Variants in APC observed in about 807,000 individuals in gnomAD.
The protein encoded by APC is adenomatous polyposis coli protein.
APC carries 72 observed loss-of-function variants against 247.0 expected under a neutral mutation model. That is an observed-to-expected ratio of 0.29 (90% CI 0.24 to 0.35). The LOEUF is 0.35. Ranked by LOEUF, APC falls within the 10% of genes least tolerant of loss-of-function variation. The pLI, the probability that APC is intolerant of heterozygous loss-of-function variation, is 1.00. For missense variants in APC, 3,400 were observed against 3,360.7 expected (o/e 1.01, Z -0.29); for synonymous variants, 1,254 against 1,162.5 (o/e 1.08, Z -1.60).
intron 5 of APC, among the ~76,000 whole-genome samples, chr5:112,778,749 T>C (rs1757991743): frequency 2.0e-5 from 3 of 152,168 alleles, no homozygotes; most frequent in East Asian, 1.9e-4. Flanking sequence ...TTTGATGTGT[T>C]AGCCAGGATG....
In APC at chr5:112,707,584, T is replaced by TC. The variant is rs1554060212; in HGVS notation, c.-133dup. ...TGGCCGCCGGAAGCCTAGCCGCTGCTCGGGGGGGACCTGCGGGCTCAGGCC... is the reference window on the plus strand; with the variant it reads ...TGGCCGCCGGAAGCCTAGCCGCTGCTCCGGGGGGGACCTGCGGGCTCAGGCC... On this transcript the variant is annotated 5_prime_UTR_variant, in exon 1 of 14. Transcript: ENST00000507379. The TC allele has an allele frequency of 1.0e-6, 1 of 967,364 alleles. No individual in the cohort carries two copies. Among genetic ancestry groups the TC allele is most frequent in the Non-Finnish European group, 1.4e-6 (1 of 692,958 alleles). 59.9% of individuals were successfully genotyped at this position (967,364 alleles called of 1,614,324 possible).
Position 112,827,929 on chromosome 5 carries a change from G to A in APC, c.1549G>A (p.Ala517Thr), listed in dbSNP as rs1763868182. The change falls in exon 13 of 16, where the codon GCT (alanine) becomes ACT (threonine). Residue 517 changes from alanine (A) to threonine (T), a missense_variant and splice_region_variant. Ala to Thr is a moderately conservative substitution (Grantham distance 58, BLOSUM62 0). Coordinates refer to ENST00000257430, the MANE Select transcript of APC (RefSeq NM_000038.6). ...CCTCTATTCTGTATTTAATTTACAG[G>A]CTACGCTATGCTCTATGAAAGGCTG... ...NLTFGDVANKATLCSMKGCMR... is the reference protein window; with the variant it reads ...NLTFGDVANKTTLCSMKGCMR... 1 of 1,612,760 alleles carries A rather than the reference G, an allele frequency of 6.2e-7. No homozygotes were observed. Among genetic ancestry groups the A allele is most frequent in the Non-Finnish European group, 8.5e-7 (1 of 1,179,352 alleles).
rs1026447903 is a variant in APC at position 112,775,884 on chromosome 5, A to G, written c.531+147A>G. Reference sequence around the variant, plus strand: ...TTTACCCAACTTTAGGCCTGAATATATAATAGTTAATGAATTTTTGTTGGT... The same window carrying G: ...TTTACCCAACTTTAGGCCTGAATATGTAATAGTTAATGAATTTTTGTTGGT... On this transcript the variant is annotated intron_variant, in intron 5 of 15. Transcript: ENST00000257430. 1.4e-5 allele frequency: 7 copies of G among 489,304 alleles called. No homozygotes were observed. The South Asian group carries it at 2.7e-4, about 19-fold the overall frequency. The allele number at this position is 489,304 out of a possible 1,614,324, so 30.3% of individuals were successfully genotyped here.
intron 1 of APC, among the ~76,000 whole-genome samples, chr5:112,745,575 A>ATTATTT (rs1753561711): frequency 6.7e-6 from 1 of 150,008 alleles, no homozygotes; most frequent in East Asian, 1.9e-4. Flanking sequence ...TATTATTATT[A>ATTATTT]TTTTTTGAGA....
chr5:112,827,180 G>A lies in APC; in HGVS notation c.1481G>A (p.Ser494Asn), dbSNP rs1554081691. 15 of 1,613,856 alleles carry A rather than the reference G, an allele frequency of 9.3e-6. No homozygotes were observed. The highest frequency in any genetic ancestry group is 1.2e-5 in the Non-Finnish European group (14 of 1,179,848). ...TATGGGCTTACTAATGACCACTACA[G>A]TATTACACTAAGACGATATGCTGGA... ...EMYGLTNDHY[S>N]ITLRRYAGMA... The change falls in exon 12 of 16, where the codon AGT (serine) becomes AAT (asparagine). Residue 494 changes from serine to asparagine, a missense_variant. Transcript: ENST00000257430.
intron 8 of APC, among the ~76,000 whole-genome samples, chr5:112,809,413 GA>G (rs1354974408): frequency 3.3e-5 from 5 of 152,042 alleles, no homozygotes; most frequent in African/African-American, 1.2e-4. Context: ...GAATTGAGAG[GA>G]AAGGTAAAGA....
At chr5:112,810,625 G>A (rs115102664) in intron 8 of APC, among the ~76,000 whole-genome samples, 2,045 of 152,198 alleles carry the variant, frequency 0.013, 55 homozygotes, top group African/African-American at 0.046. Flanking sequence ...ATGTCAGGGT[G>A]TAGAGAAAAC....
At chr5:112,819,463 A>G (rs1321767876) in intron 10 of APC, 119 bp downstream of exon 10, 2 of 1,319,586 alleles carry the variant, frequency 1.5e-6, no homozygotes, top group Non-Finnish European at 2.1e-6. Flanking sequence ...AATTCATATC[A>G]GCCATTTGTG....
chr5:112,710,031 A>G (rs1668595602), intron 1 of APC, among the ~76,000 whole-genome samples: 1 of 151,890 alleles, frequency 6.6e-6, no homozygotes, highest in Non-Finnish European at 1.5e-5. Context: ...CCTAATGCTG[A>G]TTTCATTTGC....
chr5:112,800,275 T>G (rs536621737), intron 7 of APC, among the ~76,000 whole-genome samples: 1 of 152,236 alleles, frequency 6.6e-6, no homozygotes, highest in Non-Finnish European at 1.5e-5. Flanking sequence ...TGACTTTATG[T>G]ATGTATATCT....
intron 1 of APC, among the ~76,000 whole-genome samples, chr5:112,745,535 A>T (rs1753552068): frequency 6.7e-6 from 1 of 149,114 alleles, no homozygotes; most frequent in Non-Finnish European, 1.5e-5. Context: ...GAAATAAATG[A>T]ATTAATATTC....
rs1381773465 is a variant in APC, at chr5:112,727,119, TA to T, written c.165+19238del. The stretch of plus-strand genomic sequence containing the variant: ...AATTACTTTTGCACCAACCTACTCT[TA>T]GGGGTAGTCAGGTGATCAAGAGGTT... On this transcript the variant is annotated intron_variant, in intron 1 of 13. Transcript: ENST00000507379. Among the ~76,000 whole-genome samples the T allele has an allele frequency of 5.3e-5, 8 of 152,128 alleles. 1 individual carries two copies. The East Asian group carries it at 1.4e-3, about 26-fold the overall frequency.
rs746581330 is a variant in APC, at chr5:112,838,552, T to C, written c.2958T>C (p.Tyr986=). Residue 986 remains tyrosine, a synonymous_variant, in exon 16 of 16, where the codon TAT becomes TAC. Transcript: ENST00000257430. The part of the protein sequence containing the change: ...RGQMKPSIES[Y]SEDDESKFCS... The stretch of plus-strand genomic sequence containing the variant: ...AAATGAAACCCTCGATTGAATCCTA[T>C]TCTGAAGATGATGAAAGTAAGTTTT... The C allele has an allele frequency of 1.2e-5, 20 of 1,614,098 alleles. No individual in the cohort carries two copies. The highest frequency in any genetic ancestry group is 1.5e-5 in the Non-Finnish European group (18 of 1,180,038).
intron 13 of APC, among the ~76,000 whole-genome samples, chr5:112,828,282 G>C (rs1763930199): frequency 6.6e-6 from 1 of 152,090 alleles, no homozygotes; most frequent in East Asian, 1.9e-4. Flanking sequence ...AAAATGCTGG[G>C]ATTACAGGCG....
At chr5:112,806,132 G>A (rs556760509) in intron 8 of APC, among the ~76,000 whole-genome samples, 4 of 152,292 alleles carry the variant, frequency 2.6e-5, no homozygotes, top group African/African-American at 9.6e-5. Flanking sequence ...ACCAGTTCAT[G>A]TGTGTCTGAG....
upstream of APC, among the ~76,000 whole-genome samples, chr5:112,737,567 A>G (rs1346596774): frequency 6.6e-6 from 1 of 152,186 alleles, no homozygotes; most frequent in Non-Finnish European, 1.5e-5. Flanking sequence ...TCTTGTGCTA[A>G]TCCTTCTGCC....
intron 1 of APC, among the ~76,000 whole-genome samples, chr5:112,750,572 G>A (rs1754241896): frequency 6.6e-6 from 1 of 151,706 alleles, no homozygotes; most frequent in African/African-American, 2.4e-5. Context: ...TCACTGTACA[G>A]ATGTGCATTA....
rs556431832 is a variant in APC, at chr5:112,795,916, TG to T, written c.729+3389del. On this transcript the variant is annotated intron_variant, in intron 7 of 15. Coordinates refer to ENST00000257430, the MANE Select transcript of APC (RefSeq NM_000038.6). ...AGATGAAGGGACATCCTGAGATAAA[TG>T]GTAAAGAAAGCAACCAGTCCATATT... Among the ~76,000 whole-genome samples the T allele has an allele frequency of 2.6e-3, 393 of 152,192 alleles. 3 individuals carry two copies. The highest frequency in any genetic ancestry group is 2.1e-3 in the Non-Finnish European group (141 of 68,002).
At chr5:112,724,986 T>C (rs549610158) in intron 1 of APC, among the ~76,000 whole-genome samples, 2 of 152,292 alleles carry the variant, frequency 1.3e-5, no homozygotes, top group South Asian at 2.1e-4. Flanking sequence ...ATTTTTATTT[T>C]ATTTTTTTTT....
Sources: allele counts gnomAD v4.1 joint callset (sites outside exome capture counted in the v4.1 genomes callset), GRCh38; gene constraint gnomAD v4.1.1; transcripts MANE v1.5; gene names NCBI Gene and HGNC (gene_info 2026-07-23, HGNC 2026-07-21).